PLAAT2: variants seen among roughly 807,000 people sequenced by gnomAD.
The protein encoded by PLAAT2 is phospholipase A and acyltransferase 2, also known as HRAS like suppressor 2.
Under a neutral mutation model 12.8 loss-of-function variants are expected in PLAAT2, and 12 were observed. That is an observed-to-expected ratio of 0.94 (90% CI 0.60 to 1.52). PLAAT2 has a LOEUF of 1.52. Among genes scored for constraint, PLAAT2 ranks in the 40% most tolerant of loss-of-function variants. The pLI is 0.00. For missense variants in PLAAT2, 166 were observed against 208.1 expected (o/e 0.80, Z 1.24); for synonymous variants, 79 against 86.8 (o/e 0.91, Z 0.50).
At chr11:63,559,860 T>C (rs897595565) in intron 2 of PLAAT2, among the ~76,000 whole-genome samples, 1 of 152,148 alleles carries the variant, frequency 6.6e-6, no homozygotes, top group African/African-American at 2.4e-5. Context: ...TGGTTCAGAC[T>C]GAACCCCACT....
upstream of PLAAT2, among the ~76,000 whole-genome samples, chr11:63,564,349 C>T (rs551189739): frequency 1.7e-5 from 2 of 119,558 alleles, no homozygotes; most frequent in East Asian, 2.9e-4. Flanking sequence ...TATAGTTGTC[C>T]GGTCCTGAGC....
chr11:63,561,805 T>C (rs2017521928), intron 1 of PLAAT2, among the ~76,000 whole-genome samples: 1 of 151,434 alleles, frequency 6.6e-6, no homozygotes, highest in Non-Finnish European at 1.5e-5. Flanking sequence ...TAAAAAAAAG[T>C]AAAGCCTTTG....
At position 63,553,041 on chromosome 11, in the gene PLAAT2, C is replaced by T. The variant is rs200810521; in HGVS notation, c.412G>A (p.Gly138Ser). The T allele has an allele frequency of 6.2e-7, 1 of 1,613,768 alleles. No homozygotes were observed. The highest frequency in any genetic ancestry group is 1.7e-5 in the Admixed American group (1 of 60,012). ...GCAGCCAGCAGGCCTGCTGCCACAC[C>T]TACTGTCGTGACTGCACCAGTGACC... Reference protein sequence around the residue: ...DQVTGAVTTVGVAAGLLAAAS... With the variant: ...DQVTGAVTTVSVAAGLLAAAS... The change falls in exon 4 of 4, where the codon GGT becomes AGT. Residue 138 changes from glycine (G) to serine (S), a missense_variant. Coordinates refer to ENST00000255695, the MANE Select transcript of PLAAT2 (RefSeq NM_017878.2).
At chr11:63,553,377 C>T (rs1379041413) in intron 3 of PLAAT2, among the ~76,000 whole-genome samples, 1 of 151,994 alleles carries the variant, frequency 6.6e-6, no homozygotes. Context: ...CAGTGGTTCA[C>T]ACCTGCAATC....
upstream of PLAAT2, among the ~76,000 whole-genome samples, chr11:63,564,782 C>A (rs2017548740): frequency 6.6e-6 from 1 of 152,158 alleles, no homozygotes; most frequent in African/African-American, 2.4e-5. Flanking sequence ...AGGGGCTGAC[C>A]TCCAGTCCAG....
At chr11:63,557,224 G>A (rs1033541914) in intron 3 of PLAAT2, among the ~76,000 whole-genome samples, 1 of 152,114 alleles carries the variant, frequency 6.6e-6, no homozygotes, top group Non-Finnish European at 1.5e-5. Flanking sequence ...TGTATGAGGG[G>A]ATATGTGGTT....
intron 3 of PLAAT2, among the ~76,000 whole-genome samples, chr11:63,554,585 G>A (rs975121378): frequency 2.0e-5 from 3 of 148,544 alleles, no homozygotes; most frequent in Non-Finnish European, 4.4e-5. Flanking sequence ...CCAAGATCAC[G>A]CCACTGCACT....
rs1275669080 is a variant in PLAAT2, at chr11:63,560,163, T to G, written c.40A>C (p.Ile14Leu). ...GCATAGCCAAAGCGAGAAATCTCAA[T>G]CAGGTCTCCAAGTCTCGGTCTTGGT... The part of the protein sequence containing the change: ...ARPRPRLGDL[I>L]EISRFGYAHW... The change falls in exon 2 of 4, where the codon ATT becomes CTT. Residue 14 changes from isoleucine to leucine, a missense_variant. Physicochemically the swap from Ile to Leu is conservative, Grantham distance 5. Coordinates refer to ENST00000255695, the MANE Select transcript of PLAAT2 (RefSeq NM_017878.2). The G allele has an allele frequency of 6.2e-7, 1 of 1,613,448 alleles. No homozygotes were observed. The highest frequency in any genetic ancestry group is 2.2e-5 in the East Asian group (1 of 44,826).
At chr11:63,560,240 A>C in intron 1 of PLAAT2, 47 bp from the exon 2 acceptor site, 1 of 1,456,256 alleles carries the variant, frequency 6.9e-7, no homozygotes, top group Non-Finnish European at 9.6e-7. Flanking sequence ...CATCTGCAGG[A>C]AACATTCTAG....
At chr11:63,563,151 G>A (rs1051714572) in intron 1 of PLAAT2, among the ~76,000 whole-genome samples, 165 bp downstream of exon 1, 2 of 152,192 alleles carry the variant, frequency 1.3e-5, no homozygotes, top group Non-Finnish European at 2.9e-5. Flanking sequence ...ACCCAGCACC[G>A]TGGTTCCTTC....
At chr11:63,562,657 T>A (rs1260016526) in intron 1 of PLAAT2, among the ~76,000 whole-genome samples, 6 of 152,234 alleles carry the variant, frequency 3.9e-5, no homozygotes, top group Non-Finnish European at 8.8e-5. Flanking sequence ...GCAGTAATTA[T>A]GCCTACTTCA....
intron 3 of PLAAT2, among the ~76,000 whole-genome samples, 188 bp downstream of exon 3, chr11:63,558,204 G>T (rs1020909496): frequency 6.6e-5 from 10 of 152,170 alleles, no homozygotes; most frequent in African/African-American, 2.4e-4. Flanking sequence ...CTACATTGCC[G>T]ACTTGCCTAT....
chr11:63,554,886 GACAA>G (rs2017452911), intron 3 of PLAAT2, among the ~76,000 whole-genome samples: 1 of 152,184 alleles, frequency 6.6e-6, no homozygotes, highest in Non-Finnish European at 1.5e-5. Context: ...AAGTGTCAAA[GACAA>G]ACAAAGCCAG....
chr11:63,554,147 G>A (rs915240846), intron 3 of PLAAT2, among the ~76,000 whole-genome samples: 13 of 124,040 alleles, frequency 1.0e-4, no homozygotes, highest in Non-Finnish European at 1.1e-4. Flanking sequence ...GCACTGGAGC[G>A]ACTGGGGGAA....
At chr11:63,557,153 C>T (rs1432465466) in intron 3 of PLAAT2, among the ~76,000 whole-genome samples, 1 of 152,154 alleles carries the variant, frequency 6.6e-6, no homozygotes, top group Non-Finnish European at 1.5e-5. Flanking sequence ...CAAAATCCAT[C>T]CTTTCCTTTA....
chr11:63,556,758 G>A (rs1422692818), intron 3 of PLAAT2, among the ~76,000 whole-genome samples: 4 of 152,092 alleles, frequency 2.6e-5, no homozygotes, highest in African/African-American at 7.2e-5. Flanking sequence ...CTGAATCTAC[G>A]GTGCACAGGC....
intron 2 of PLAAT2, 131 bp downstream of exon 2, chr11:63,559,954 C>A: frequency 1.7e-6 from 1 of 598,290 alleles, no homozygotes; most frequent in Non-Finnish European, 3.0e-6. Flanking sequence ...CAGGAAAAAG[C>A]ACAATTCATT....
chr11:63,559,595 G>A (rs1198181317), intron 2 of PLAAT2, among the ~76,000 whole-genome samples: 1 of 115,752 alleles, frequency 8.6e-6, no homozygotes, highest in Non-Finnish European at 1.7e-5. Flanking sequence ...GCCTCTAAAG[G>A]GGACCCCAGA....
chr11:63,560,534 T>C (rs761196766), intron 1 of PLAAT2, among the ~76,000 whole-genome samples: 2 of 152,218 alleles, frequency 1.3e-5, no homozygotes, highest in African/African-American at 2.4e-5. Flanking sequence ...AGCTAGTGAC[T>C]GCATGATTCC....
Sources: allele counts gnomAD v4.1 joint callset (sites outside exome capture counted in the v4.1 genomes callset), GRCh38; gene constraint gnomAD v4.1.1; transcripts MANE v1.5; gene names NCBI Gene and HGNC (gene_info 2026-07-23, HGNC 2026-07-21).